The following NSUN5 variants were observed in gnomAD, a reference collection of about 807,000 sequenced individuals.
NSUN5 encodes 28S rRNA (cytosine-C(5))-methyltransferase.
A neutral mutation model predicts 51.1 loss-of-function variants in NSUN5; 39 were observed. The ratio of observed to expected loss-of-function variants is 0.76; its 90% confidence interval spans 0.59 to 1.00. NSUN5 has a LOEUF of 1.00. NSUN5 is among the 50% of genes least tolerant of loss of function. The pLI is 0.00. For synonymous variants in NSUN5, 266 were observed against 271.5 expected (o/e 0.98, Z 0.20); for missense variants, 526 against 614.0 (o/e 0.86, Z 1.51).
At position 73,305,015 on chromosome 7, in the gene NSUN5, T is replaced by C; in HGVS notation, c.583A>G (p.Thr195Ala). The C allele has an allele frequency of 1.9e-6, 3 of 1,611,538 alleles. No individual in the cohort carries two copies. The highest frequency in any genetic ancestry group is 2.5e-6 in the Non-Finnish European group (3 of 1,178,230). ...TACAGTGGGTGTTCATGCAGATCTG[T>C]CTGGGCGGGAAACACCAGCAGCTCC... ...MPELLVFPAQ[T>A]DLHEHPLYRA... The change falls in exon 5 of 10, where the codon ACA becomes GCA. Residue 195 changes from threonine (T) to alanine (A), a missense_variant. Thr to Ala is a moderately conservative substitution (Grantham distance 58). Transcript: ENST00000438747.
In NSUN5 at chr7:73,307,423, T is replaced by A; in HGVS notation, c.471A>T (p.Gln157His). 1 of 1,614,094 alleles carries A rather than the reference T, an allele frequency of 6.2e-7. No individual in the cohort carries two copies. Among genetic ancestry groups the A allele is most frequent in the South Asian group, 1.1e-5 (1 of 91,074 alleles). ...SDDVVDYFKR[Q>H]GFSYQGRASS... ...AAGCCCGACCCTGATAGGAGAAACCTTGTCTCTTGAAATAATCAACTACAT... is the reference window on the plus strand; with the variant it reads ...AAGCCCGACCCTGATAGGAGAAACCATGTCTCTTGAAATAATCAACTACAT... Residue 157 changes from glutamine (Q) to histidine (H), a missense_variant, in exon 4 of 10, where the codon CAA becomes CAT. Transcript: ENST00000438747.
intron 7 of NSUN5, 53 bp downstream of exon 7, chr7:73,304,177 C>G (rs1803935798): frequency 6.4e-7 from 1 of 1,569,470 alleles, no homozygotes; most frequent in Non-Finnish European, 8.6e-7. Context: ...GACTCCAGGT[C>G]TAAGCTGCTG....
chr7:73,308,462 G>A lies in NSUN5; in HGVS notation c.185C>T (p.Ala62Val). The part of the protein sequence containing the change: ...AVIASAGLLR[A>V]EKKLRPHLAK... ...CAGGTGCGGCCGCAGCTTCTTCTCC[G>A]CACGGAGGAGGCCGGCGCTGGCGAT... The change falls in exon 2 of 10, where the codon GCG becomes GTG. Residue 62 changes from alanine to valine, a missense_variant. By Grantham distance (64) the Ala-to-Val change is moderately conservative (BLOSUM62 0). Coordinates refer to ENST00000438747, the MANE Select transcript of NSUN5 (RefSeq NM_148956.4). 1 of 1,606,920 alleles carries A rather than the reference G, an allele frequency of 6.2e-7. No individual in the cohort carries two copies. Among genetic ancestry groups the A allele is most frequent in the Non-Finnish European group, 8.5e-7 (1 of 1,176,030 alleles).
Position 73,304,248 on chromosome 7 carries a change from G to A in NSUN5, c.916C>T (p.Pro306Ser), listed in dbSNP as rs1554541423. Residue 306 changes from proline (P) to serine (S), a missense_variant, in exon 7 of 10, where the codon CCT (proline) becomes TCT (serine). Physicochemically the swap from Pro to Ser is moderately conservative, Grantham distance 74. Transcript: ENST00000438747. ...ATCTCACCCGAGCCACTGCAGGAAG[G>A]ATCCAGCAGGATGTAGTGGACCTCA... ...YHEVHYILLD[P>S]SCSGSGMPSR... is the part of the protein sequence containing the mutation. 1.9e-6 allele frequency: 3 copies of A among 1,612,560 alleles called. No homozygotes were observed. Among genetic ancestry groups the A allele is most frequent in the African/African-American group, 2.7e-5 (2 of 74,984 alleles).
rs1395645249 is a variant in NSUN5 at position 73,303,724 on chromosome 7, G to A, written c.1162C>T (p.Pro388Ser). ...PGAFRLAPAL[P>S]AWPHRGLSTF... is the part of the protein sequence containing the mutation. Reference sequence around the variant, plus strand: ...CTCAGGCCTCGGTGGGGCCAGGCAGGCAGGGCGGGAGCTAGCCTGCAAGAG... The same window carrying A: ...CTCAGGCCTCGGTGGGGCCAGGCAGACAGGGCGGGAGCTAGCCTGCAAGAG... Residue 388 changes from proline (P) to serine (S), a missense_variant, in exon 9 of 10, where the codon CCT becomes TCT. By Grantham distance (74) the Pro-to-Ser change is moderately conservative. Coordinates refer to ENST00000438747, the MANE Select transcript of NSUN5 (RefSeq NM_148956.4). 3.7e-6 allele frequency: 6 copies of A among 1,614,062 alleles called. No homozygotes were observed. The East Asian group carries it at 1.1e-4, about 30-fold the overall frequency.
chr7:73,308,299 G>A (rs1804128824), intron 2 of NSUN5, 132 bp downstream of exon 2: 1 of 1,139,954 alleles, frequency 8.8e-7, no homozygotes, highest in Non-Finnish European at 1.2e-6. Context: ...TCGTAACCCA[G>A]GGAAGGTCGG....
intron 2 of NSUN5, 110 bp downstream of exon 2, chr7:73,308,316 CTCATT>C: frequency 7.5e-7 from 1 of 1,338,044 alleles, no homozygotes; most frequent in Non-Finnish European, 1.0e-6. Context: ...TCGGCTCATA[CTCATT>C]TCAGATGAGC....
chr7:73,307,559 AC>A, intron 3 of NSUN5, 23 bp downstream of exon 3: 2 of 505,594 alleles, frequency 4.0e-6, no homozygotes, highest in Non-Finnish European at 3.2e-6. Context: ...CGCCTCCCCC[AC>A]CCCCCAACTC....
intron 4 of NSUN5, among the ~76,000 whole-genome samples, chr7:73,306,912 C>G (rs1350424921): frequency 6.6e-6 from 1 of 151,872 alleles, no homozygotes; most frequent in Non-Finnish European, 1.5e-5. Flanking sequence ...GAAAGATGCT[C>G]AAGGTAGGGG....
At chr7:73,304,467 C>A in intron 6 of NSUN5, 59 bp from the exon 7 acceptor site, 1 of 1,477,162 alleles carries the variant, frequency 6.8e-7, no homozygotes, top group Non-Finnish European at 9.3e-7. Context: ...CTGTCACAGC[C>A]AACCAGAACA....
intron 6 of NSUN5, 162 bp from the exon 7 acceptor site, chr7:73,304,570 G>A (rs1434069454): frequency 2.3e-6 from 2 of 852,070 alleles, no homozygotes; most frequent in Non-Finnish European, 3.8e-6. Flanking sequence ...TGCCCCAAGG[G>A]CTAAGGGATC....
At position 73,307,718 on chromosome 7, in the gene NSUN5, C is replaced by A; in HGVS notation, c.256G>T (p.Gly86Trp). The change falls in exon 3 of 10, where the codon GGG becomes TGG. Residue 86 changes from glycine to tryptophan, a missense_variant. Coordinates refer to ENST00000438747, the MANE Select transcript of NSUN5 (RefSeq NM_148956.4). ...AGAGCCTTCCATCGGCCCCCACCCC[C>A]TCGAAAGCCCTTTCCCAACAACAAC... ...YELLLGKGFR[G>W]GGGRWKALLG... 1 of 1,584,420 alleles carries A rather than the reference C, an allele frequency of 6.3e-7. No homozygotes were observed. Among genetic ancestry groups the A allele is most frequent in the Non-Finnish European group, 8.6e-7 (1 of 1,165,572 alleles).
intron 2 of NSUN5, chr7:73,308,090 G>A: frequency 2.2e-6 from 1 of 457,634 alleles, no homozygotes; most frequent in Non-Finnish European, 3.9e-6. Context: ...CTGAAGTGCA[G>A]TGGCCAGATC....
rs1243403243 is a variant in NSUN5, at chr7:73,303,632, G to T, written c.1254C>A (p.Phe418Leu). The change falls in exon 9 of 10, where the codon TTC (phenylalanine) becomes TTA (leucine). Residue 418 changes from phenylalanine to leucine, a missense_variant. Transcript: ENST00000438747. ...CCTCGACCCGTTCAATTACAGCAACGAAGAAGCCACTGCTGAGTGTGGTCT... is the reference window on the plus strand; with the variant it reads ...CCTCGACCCGTTCAATTACAGCAACTAAGAAGCCACTGCTGAGTGTGGTCT... ...SPETTLSSGFFVAVIERVEVP... is the reference protein window; with the variant it reads ...SPETTLSSGFLVAVIERVEVP... The T allele has an allele frequency of 6.2e-7, 1 of 1,614,168 alleles. No homozygotes were observed. The highest frequency in any genetic ancestry group is 2.2e-5 in the East Asian group (1 of 44,876).
intron 4 of NSUN5, 50 bp downstream of exon 4, chr7:73,307,344 T>A: frequency 7.4e-7 from 1 of 1,352,046 alleles, no homozygotes; most frequent in Non-Finnish European, 1.1e-6. Flanking sequence ...CTCTTCCCAA[T>A]ACCCCAGACA....
chr7:73,305,239 T>G (rs1803993183), intron 4 of NSUN5, 142 bp from the exon 5 acceptor site: 2 of 1,180,706 alleles, frequency 1.7e-6, no homozygotes, highest in South Asian at 3.0e-5. Context: ...GAATCCGCAG[T>G]TGAGGGAATG....
In NSUN5 at chr7:73,304,399, A is replaced by C; in HGVS notation, c.765T>G (p.Phe255Leu). 1.9e-6 allele frequency: 3 copies of C among 1,611,686 alleles called. No individual in the cohort carries two copies. The highest frequency in any genetic ancestry group is 2.5e-6 in the Non-Finnish European group (3 of 1,178,694). Reference protein sequence around the residue: ...AALLKNQGKIFAFDLDAKRLA... With the variant: ...AALLKNQGKILAFDLDAKRLA... Reference sequence around the variant, plus strand: ...GCCGCTTGGCATCCAGGTCAAAGGCAAAGATCTTCCTAGGGCAAAGCAGGG... The same window carrying C: ...GCCGCTTGGCATCCAGGTCAAAGGCCAAGATCTTCCTAGGGCAAAGCAGGG... The change falls in exon 7 of 10, where the codon TTT becomes TTG. Residue 255 changes from phenylalanine (F) to leucine (L), a missense_variant. Phe to Leu is a conservative substitution (Grantham distance 22). Coordinates refer to ENST00000438747, the MANE Select transcript of NSUN5 (RefSeq NM_148956.4).
chr7:73,304,264 G>A lies in NSUN5; in HGVS notation c.900C>T (p.His300=), dbSNP rs782545299. The change falls in exon 7 of 10, where the codon CAC becomes CAT. Residue 300 remains histidine (H), a synonymous_variant. Transcript: ENST00000438747. The stretch of plus-strand genomic sequence containing the variant: ...TGCAGGAAGGATCCAGCAGGATGTA[G>A]TGGACCTCATGGTAGCGTGGATCCG... ...SPSDPRYHEV[H]YILLDPSCSG... 3 of 1,614,026 alleles carry A rather than the reference G, an allele frequency of 1.9e-6. No individual in the cohort carries two copies. The highest frequency in any genetic ancestry group is 2.2e-5 in the South Asian group (2 of 91,074).
At chr7:73,304,662 C>G (rs1407066945) in intron 6 of NSUN5, 85 bp downstream of exon 6, 1 of 1,208,458 alleles carries the variant, frequency 8.3e-7, no homozygotes. Context: ...AAGACTTAAG[C>G]GAAAGTCATC....
Sources: allele counts gnomAD v4.1 joint callset (sites outside exome capture counted in the v4.1 genomes callset), GRCh38; gene constraint gnomAD v4.1.1; transcripts MANE v1.5; gene names NCBI Gene and HGNC (gene_info 2026-07-23, HGNC 2026-07-21).